The following LBX2 variants were observed in gnomAD, a reference collection of about 807,000 sequenced individuals.
LBX2 encodes the protein transcription factor LBX2.
A neutral mutation model predicts 7.5 loss-of-function variants in LBX2; 6 were observed. The observed-to-expected ratio is 0.80, with a 90% CI of 0.44 to 1.59. The LOEUF is 1.59. Ranked by LOEUF, LBX2 falls within the 40% of genes most tolerant of loss-of-function variation. The pLI, the probability that LBX2 is intolerant of heterozygous loss-of-function variation, is 0.01. For missense variants in LBX2, 281 were observed against 282.0 expected (o/e 1.00, Z 0.03); for synonymous variants, 143 against 133.2 (o/e 1.07, Z -0.51).
At chr2:74,502,586 C>T, upstream of LBX2, 1 of 1,427,740 alleles carries the variant, frequency 7.0e-7, no homozygotes, top group Non-Finnish European at 9.8e-7. The surrounding 1 kb of genome is among the most constrained non-coding windows in gnomAD (Gnocchi z 5.4). Flanking sequence ...TTCCGTCCGT[C>T]CCGCACACTT....
Position 74,497,683 on chromosome 2 carries a change from A to AGGAGGTCGCGACTGCAGTGAGC in LBX2, c.*222_*243dup. 1 of 414,578 alleles carries AGGAGGTCGCGACTGCAGTGAGC rather than the reference A, an allele frequency of 2.4e-6. No homozygotes were observed. Among genetic ancestry groups the AGGAGGTCGCGACTGCAGTGAGC allele is most frequent in the South Asian group, 7.2e-5 (1 of 13,964 alleles). 25.7% of individuals were successfully genotyped at this position (414,578 alleles called of 1,614,324 possible). A position where few individuals can be genotyped will look rare whatever the true frequency, so the allele number is the denominator to read the frequency against. On this transcript the variant is annotated 3_prime_UTR_variant, in exon 2 of 2. Transcript: ENST00000377566. ...TGAGGCAGGAGGATCGCTTGAGCCC[A>AGGAGGTCGCGACTGCAGTGAGC]GGAGGTCGCGACTGCAGTGAGCGGT...
At chr2:74,502,570 C>A (rs1427003942), upstream of LBX2, 1 of 1,242,564 alleles carries the variant, frequency 8.0e-7, no homozygotes, top group Non-Finnish European at 1.1e-6. This position sits in a 1 kb window ranked among gnomAD's most constrained non-coding sequence, Gnocchi z 5.4. Flanking sequence ...GAGCGTGAGG[C>A]GGGGCTTCCG....
upstream of LBX2, chr2:74,502,686 TG>T: frequency 6.2e-7 from 1 of 1,614,104 alleles, no homozygotes; most frequent in Non-Finnish European, 8.5e-7. This position sits in a 1 kb window ranked among gnomAD's most constrained non-coding sequence, Gnocchi z 5.4. Flanking sequence ...GGCAGGCCTG[TG>T]AGTTGTTTTC....
In LBX2 at chr2:74,497,918, G is replaced by A; in HGVS notation, c.*9C>T. On this transcript the variant is annotated 3_prime_UTR_variant, in exon 2 of 2. Coordinates refer to ENST00000377566, the MANE Select transcript of LBX2 (RefSeq NM_001282430.2). ...GCCCCAGAGCCCAGGATTGGCGGCGGCTTTGTCTTCAATCGTCCACCTGTA... is the reference window on the plus strand; with the variant it reads ...GCCCCAGAGCCCAGGATTGGCGGCGACTTTGTCTTCAATCGTCCACCTGTA... The A allele has an allele frequency of 6.5e-7, 1 of 1,542,162 alleles. No homozygotes were observed. The highest frequency in any genetic ancestry group is 1.4e-5 in the African/African-American group (1 of 72,946).
upstream of LBX2, among the ~76,000 whole-genome samples, chr2:74,500,973 G>C (rs1366063036): frequency 6.6e-6 from 1 of 152,184 alleles, no homozygotes; most frequent in African/African-American, 2.4e-5. Context: ...GTGTCCACCT[G>C]TCTATTCCCT....
rs891992944 is a variant in LBX2 at position 74,499,590 on chromosome 2, G to C, written c.-53C>G. On this transcript the variant is annotated 5_prime_UTR_variant, in exon 1 of 2. Transcript: ENST00000377566. The surrounding 1 kb of genome is among the most constrained non-coding windows in gnomAD (Gnocchi z 4.6). The stretch of plus-strand genomic sequence containing the variant: ...GTCCGTTGCGCTAGGCTCCGCAAAC[G>C]CCTGGGCCCCAGTGCTCGGCTCCCA... The C allele has an allele frequency of 6.0e-6, 9 of 1,509,584 alleles. No individual in the cohort carries two copies. The East Asian group carries it at 1.7e-4, about 29-fold the overall frequency. The allele number at this position is 1,509,584 out of a possible 1,614,324, so 93.5% of individuals were successfully genotyped here.
rs1310536891 is a variant in LBX2, at chr2:74,499,298, C to T, written c.205+35G>A. 2 of 1,525,936 alleles carry T rather than the reference C, an allele frequency of 1.3e-6. No homozygotes were observed. Among genetic ancestry groups the T allele is most frequent in the East Asian group, 4.9e-5 (2 of 40,772 alleles). The allele number at this position is 1,525,936 out of a possible 1,614,324, so 94.5% of individuals were successfully genotyped here. On this transcript the variant is annotated intron_variant, in intron 1 of 1. Coordinates refer to ENST00000377566, the MANE Select transcript of LBX2 (RefSeq NM_001282430.2). The surrounding 1 kb of genome is among the most constrained non-coding windows in gnomAD (Gnocchi z 4.6). Reference sequence around the variant, plus strand: ...CAGGAGGAGAGAGGTGAGGAAAAGGCTAAGTCAGAGTCCGCGACCTTGCCG... The same window carrying T: ...CAGGAGGAGAGAGGTGAGGAAAAGGTTAAGTCAGAGTCCGCGACCTTGCCG...
chr2:74,503,148 T>G, upstream of LBX2: 2 of 395,056 alleles, frequency 5.1e-6, no homozygotes, highest in Admixed American at 4.4e-5. The surrounding 1 kb of genome is among the most constrained non-coding windows in gnomAD (Gnocchi z 5.1). Flanking sequence ...GCGTTCTCAG[T>G]CGCGCGAAGC....
Position 74,497,590 on chromosome 2 carries a change from A to T in LBX2, c.*337T>A, listed in dbSNP as rs188831634. 3 of 224,900 alleles carry T rather than the reference A, an allele frequency of 1.3e-5. No homozygotes were observed. The highest frequency in any genetic ancestry group is 1.1e-4 in the Admixed American group (2 of 18,784). The allele number at this position is 224,900 out of a possible 1,614,324, so 13.9% of individuals were successfully genotyped here. A position where few individuals can be genotyped will look rare whatever the true frequency, so the allele number is the denominator to read the frequency against. ...ACAACATAGCGGGACCTCCTCTCTA[A>T]AAAAAAAAGTTTTTTAAATTAGCCT... is the stretch of plus-strand genomic sequence containing the variant. On this transcript the variant is annotated 3_prime_UTR_variant, in exon 2 of 2. Transcript: ENST00000377566.
chr2:74,498,236 C>T lies in LBX2; in HGVS notation c.288G>A (p.Gln96=). ...RKSRTAFTAQ[Q]VLELERRFVF... is the part of the protein sequence containing the mutation. ...CGAAGCGCCGCTCCAGCTCCAGCACCTGTTGCGCGGTGAACGCAGTGCGTG... is the reference window on the plus strand; with the variant it reads ...CGAAGCGCCGCTCCAGCTCCAGCACTTGTTGCGCGGTGAACGCAGTGCGTG... The change falls in exon 2 of 2, where the codon CAG becomes CAA. Residue 96 remains glutamine (Q), a synonymous_variant. Transcript: ENST00000377566. 1 of 1,606,532 alleles carries T rather than the reference C, an allele frequency of 6.2e-7. No homozygotes were observed. Among genetic ancestry groups the T allele is most frequent in the Non-Finnish European group, 8.5e-7 (1 of 1,178,764 alleles).
Position 74,499,410 on chromosome 2 carries a change from G to T in LBX2, c.128C>A (p.Ser43Ter). ...QLPESGPGPT[S>*]PLCALEELTS... is the part of the protein sequence containing the mutation. ...CAGCTCCTCCAGCGCGCACAGCGGC[G>T]ACGTTGGACCCGGACCCGACTCTGG... Residue 43 changes from serine (S) to a stop codon, truncating the protein, a stop_gained, in exon 1 of 2, where the codon TCG becomes TAG. Transcript: ENST00000377566. LOFTEE classifies it high-confidence loss of function. The surrounding 1 kb of genome is among the most constrained non-coding windows in gnomAD (Gnocchi z 4.6). The T allele has an allele frequency of 1.9e-6, 3 of 1,550,640 alleles. No homozygotes were observed. Among genetic ancestry groups the T allele is most frequent in the Non-Finnish European group, 2.6e-6 (3 of 1,146,998 alleles).
At chr2:74,498,711 C>A (rs1236469634) in intron 1 of LBX2, 2 of 235,674 alleles carry the variant, frequency 8.5e-6, no homozygotes, top group African/African-American at 2.3e-5. Flanking sequence ...GCCGACCCAG[C>A]GTGGTGGTGG....
chr2:74,502,609 T>C, upstream of LBX2: 2 of 1,550,770 alleles, frequency 1.3e-6, no homozygotes, highest in South Asian at 1.1e-5. This position sits in a 1 kb window ranked among gnomAD's most constrained non-coding sequence, Gnocchi z 5.4. Context: ...GGGATTGTTT[T>C]CTCTTTCAGA....
At chr2:74,501,124 C>G (rs891052376), upstream of LBX2, among the ~76,000 whole-genome samples, 1 of 152,162 alleles carries the variant, frequency 6.6e-6, no homozygotes, top group African/African-American at 2.4e-5. Flanking sequence ...AACAACCCCC[C>G]TCCCCCACCC....
Position 74,499,405 on chromosome 2 carries a change from G to A in LBX2, c.133C>T (p.Leu45=). ...PESGPGPTSP[L]CALEELTSKT... Reference sequence around the variant, plus strand: ...CTAGTCAGCTCCTCCAGCGCGCACAGCGGCGACGTTGGACCCGGACCCGAC... The same window carrying A: ...CTAGTCAGCTCCTCCAGCGCGCACAACGGCGACGTTGGACCCGGACCCGAC... The change falls in exon 1 of 2, where the codon CTG becomes TTG. Residue 45 remains leucine, a synonymous_variant. Coordinates refer to ENST00000377566, the MANE Select transcript of LBX2 (RefSeq NM_001282430.2). This position sits in a 1 kb window ranked among gnomAD's most constrained non-coding sequence, Gnocchi z 4.6. The A allele has an allele frequency of 6.4e-7, 1 of 1,550,650 alleles. No individual in the cohort carries two copies. Among genetic ancestry groups the A allele is most frequent in the Non-Finnish European group, 8.7e-7 (1 of 1,147,000 alleles).
rs974820038 is a variant in LBX2 at position 74,498,129 on chromosome 2, C to A, written c.395G>T (p.Trp132Leu). 1.2e-6 allele frequency: 2 copies of A among 1,611,950 alleles called. No individual in the cohort carries two copies. Among genetic ancestry groups the A allele is most frequent in the African/African-American group, 2.7e-5 (2 of 74,932 alleles). The part of the protein sequence containing the change: ...LGLANAQVVT[W>L]FQNRRAKLKR... ...GAGCTTGGCTCGCCGGTTCTGGAAC[C>A]AAGTGACCACCTGCGCGTTGGCCAG... The change falls in exon 2 of 2, where the codon TGG becomes TTG. Residue 132 changes from tryptophan (W) to leucine (L), a missense_variant. Trp to Leu is a moderately conservative substitution (Grantham distance 61). Around this residue, in one of 3 missense-constraint regions of LBX2, gnomAD observed 216 missense variants for 208.7 expected, o/e 1.03. Coordinates refer to ENST00000377566, the MANE Select transcript of LBX2 (RefSeq NM_001282430.2).
chr2:74,497,873 C>A lies in LBX2; in HGVS notation c.*54G>T. 4 of 1,473,530 alleles carry A rather than the reference C, an allele frequency of 2.7e-6. No homozygotes were observed. Among genetic ancestry groups the A allele is most frequent in the South Asian group, 2.8e-5 (2 of 70,882 alleles). 91.3% of individuals were successfully genotyped at this position (1,473,530 alleles called of 1,614,324 possible). A position where few individuals can be genotyped will look rare whatever the true frequency, so the allele number is the denominator to read the frequency against. On this transcript the variant is annotated 3_prime_UTR_variant, in exon 2 of 2. Transcript: ENST00000377566. ...CCTGGAACTCTGGCCAGAGGCAGAG[C>A]GCGAGGTGAGGAGTCCAGGGCCCCA...
upstream of LBX2, chr2:74,502,304 C>T (rs1674500067): frequency 3.8e-6 from 1 of 266,648 alleles, no homozygotes; most frequent in South Asian, 6.8e-5. The surrounding 1 kb of genome is among the most constrained non-coding windows in gnomAD (Gnocchi z 5.4). Context: ...GCCGCCCCCG[C>T]TCGACCCCGT....
At position 74,498,470 on chromosome 2, in the gene LBX2, C is replaced by T. The variant is rs563265991; in HGVS notation, c.206-152G>A. On this transcript the variant is annotated intron_variant, in intron 1 of 1. Coordinates refer to ENST00000377566, the MANE Select transcript of LBX2 (RefSeq NM_001282430.2). ...GGAGACCAGAACTGTGATCCCTTAT[C>T]GGGAGTCAGGCCCAGGTGGGGATAT... 5 of 681,044 alleles carry T rather than the reference C, an allele frequency of 7.3e-6. No homozygotes were observed. In the South Asian group the frequency reaches 9.9e-5, roughly 13 times the overall value. The allele number at this position is 681,044 out of a possible 1,614,324, so 42.2% of individuals were successfully genotyped here.
Sources: gnomAD v4.1 joint callset for allele counts (sites outside exome capture counted in the v4.1 genomes callset) on GRCh38, gnomAD v4.1.1 for gene constraint, gnomAD v4.1.1 regional missense constraint, Gnocchi (gnomAD v3.1) non-coding constraint, MANE v1.5 for transcripts, NCBI Gene and HGNC (gene_info 2026-07-23, HGNC 2026-07-21) for gene names.